The following RRAS2 variants were observed in gnomAD, a reference collection of about 807,000 sequenced individuals.
RRAS2 encodes the protein RAS related 2, also known as ras-related protein R-Ras2.
RRAS2 carries 7 observed loss-of-function variants against 27.6 expected under a neutral mutation model. The observed-to-expected ratio is 0.25, with a 90% CI of 0.14 to 0.48. The LOEUF (loss-of-function observed/expected upper bound fraction) is 0.48. Ranked by LOEUF, RRAS2 falls within the 20% of genes least tolerant of loss-of-function variation. The pLI, the probability that RRAS2 is intolerant of heterozygous loss-of-function variation, is 0.99. For missense variants in RRAS2, 178 were observed against 256.2 expected (o/e 0.69, Z 2.08); for synonymous variants, 86 against 90.9 (o/e 0.95, Z 0.31).
At chr11:14,289,214 C>G (rs1371332334) in intron 4 of RRAS2, among the ~76,000 whole-genome samples, 1 of 152,092 alleles carries the variant, frequency 6.6e-6, no homozygotes, top group Non-Finnish European at 1.5e-5. Flanking sequence ...ACTTAGCTAT[C>G]TATTATTTTA....
intron 1 of RRAS2, among the ~76,000 whole-genome samples, chr11:14,349,199 C>T (rs554172753): frequency 3.6e-4 from 54 of 150,668 alleles, no homozygotes; most frequent in African/African-American, 1.1e-3. Flanking sequence ...GTCACCCAAG[C>T]TGGACTGCAG....
chr11:14,343,232 G>C (rs1448212345), intron 1 of RRAS2, among the ~76,000 whole-genome samples: 2 of 152,134 alleles, frequency 1.3e-5, no homozygotes, highest in Non-Finnish European at 2.9e-5. Flanking sequence ...GCAATGATTT[G>C]AGGAAGGAGA....
At chr11:14,290,315 G>C (rs1393201662) in intron 4 of RRAS2, among the ~76,000 whole-genome samples, 1 of 152,186 alleles carries the variant, frequency 6.6e-6, no homozygotes, top group Non-Finnish European at 1.5e-5. Context: ...TGGGCATGGT[G>C]GCCCATGCCT....
chr11:14,281,492 C>T, intron 5 of RRAS2, 110 bp downstream of exon 5: 1 of 732,452 alleles, frequency 1.4e-6, no homozygotes, highest in Non-Finnish European at 2.1e-6. Context: ...AATTGTAATG[C>T]ACCATGTGCA....
At chr11:14,347,645 C>A (rs1394114803) in intron 1 of RRAS2, among the ~76,000 whole-genome samples, 1 of 151,966 alleles carries the variant, frequency 6.6e-6, no homozygotes, top group Non-Finnish European at 1.5e-5. Context: ...CATAGCGAGA[C>A]CTCGTCGCTA....
chr11:14,329,609 C>G (rs1414079612), intron 1 of RRAS2, among the ~76,000 whole-genome samples: 1 of 152,162 alleles, frequency 6.6e-6, no homozygotes, highest in African/African-American at 2.4e-5. Flanking sequence ...GGATCTGATT[C>G]CTGCAGTAAA....
chr11:14,354,676 T>C (rs1464867662), intron 1 of RRAS2, among the ~76,000 whole-genome samples: 1 of 145,118 alleles, frequency 6.9e-6, no homozygotes, highest in African/African-American at 2.5e-5. Flanking sequence ...CAATTTCTTT[T>C]TTTTTTTTTT....
At chr11:14,308,939 C>T (rs74393946) in intron 1 of RRAS2, among the ~76,000 whole-genome samples, 2,189 of 152,296 alleles carry the variant, frequency 0.014, 50 homozygotes, top group African/African-American at 0.05. Context: ...AAAAGATGAT[C>T]ATAATGATTC....
intron 4 of RRAS2, among the ~76,000 whole-genome samples, chr11:14,291,031 A>T (rs1421860865): frequency 6.6e-6 from 1 of 152,174 alleles, no homozygotes; most frequent in African/African-American, 2.4e-5. Context: ...TGTCTGGTGG[A>T]GAAGTTGATC....
chr11:14,337,578 T>C (rs1374773609), intron 1 of RRAS2, among the ~76,000 whole-genome samples: 2 of 152,240 alleles, frequency 1.3e-5, no homozygotes, highest in African/African-American at 4.8e-5. Flanking sequence ...ACTTCTATTG[T>C]AGTATATGGT....
chr11:14,334,531 T>C (rs938398995), intron 1 of RRAS2, among the ~76,000 whole-genome samples: 115 of 143,862 alleles, frequency 8.0e-4, no homozygotes, highest in African/African-American at 2.7e-3. Context: ...CATCCATACA[T>C]ACACACACAC....
At position 14,316,409 on chromosome 11, in the gene RRAS2, C is replaced by T. The variant is rs376174617; in HGVS notation, c.109-20554G>A. Among the ~76,000 whole-genome samples, 24 of 152,134 alleles carry T rather than the reference C, an allele frequency of 1.6e-4. No homozygotes were observed. The South Asian group carries it at 5.0e-3, about 32-fold the overall frequency. ...CTATGTATATTAGCATTTTCCAGGC[C>T]CTCCTTTTTACAGTTTTTACATCTC... is the stretch of plus-strand genomic sequence containing the variant. On this transcript the variant is annotated intron_variant, in intron 1 of 5. Coordinates refer to ENST00000256196, the MANE Select transcript of RRAS2 (RefSeq NM_012250.6).
At chr11:14,279,523 G>C (rs558841316) in intron 5 of RRAS2, 99 bp from the exon 6 acceptor site, 1 of 893,484 alleles carries the variant, frequency 1.1e-6, no homozygotes, top group East Asian at 2.5e-5. Context: ...AAGTGTGTAT[G>C]CTTTTCAGTG....
rs530351632 is a variant in RRAS2, at chr11:14,320,107, C to CCA, written c.109-24254_109-24253dup. Among the ~76,000 whole-genome samples, 85 of 152,226 alleles carry CCA rather than the reference C, an allele frequency of 5.6e-4. 1 individual carries two copies. Among genetic ancestry groups the CCA allele is most frequent in the African/African-American group, 1.9e-3 (79 of 41,546 alleles). The stretch of plus-strand genomic sequence containing the variant: ...TTTATTAAGTTGTAGCACTGCCCAC[C>CCA]CACCGCACCCCACAAAAAAAGCCAC... On this transcript the variant is annotated intron_variant, in intron 1 of 5. Coordinates refer to ENST00000256196, the MANE Select transcript of RRAS2 (RefSeq NM_012250.6).
chr11:14,293,157 A>C (rs1338066668), intron 4 of RRAS2, among the ~76,000 whole-genome samples: 2 of 120,124 alleles, frequency 1.7e-5, no homozygotes, highest in African/African-American at 6.1e-5. Context: ...ATATATATAT[A>C]TATATCATTT....
chr11:14,353,248 A>C (rs565153535), intron 1 of RRAS2, among the ~76,000 whole-genome samples: 5 of 152,296 alleles, frequency 3.3e-5, no homozygotes, highest in African/African-American at 1.2e-4. Context: ...AGATGAATTA[A>C]AATCCCATCC....
chr11:14,318,417 C>T (rs1277397534), intron 1 of RRAS2, among the ~76,000 whole-genome samples: 4 of 152,028 alleles, frequency 2.6e-5, no homozygotes, highest in African/African-American at 7.2e-5. Flanking sequence ...GCAGGATAAT[C>T]ACTTGAACCT....
chr11:14,321,395 T>A (rs1353186417), intron 1 of RRAS2, among the ~76,000 whole-genome samples: 2 of 152,156 alleles, frequency 1.3e-5, no homozygotes, highest in East Asian at 3.8e-4. Context: ...TATACTCACT[T>A]AAAAGAATGA....
chr11:14,361,471 G>A (rs1223042796), upstream of RRAS2, among the ~76,000 whole-genome samples: 1 of 152,186 alleles, frequency 6.6e-6, no homozygotes, highest in African/African-American at 2.4e-5. Context: ...GGAGGTTTCA[G>A]TGAGCCGAGC....
Sources: gnomAD v4.1 joint callset for allele counts (sites outside exome capture counted in the v4.1 genomes callset) on GRCh38, gnomAD v4.1.1 for gene constraint, MANE v1.5 for transcripts, NCBI Gene and HGNC (gene_info 2026-07-23, HGNC 2026-07-21) for gene names.